STXBP5L: variants seen among roughly 807,000 people sequenced by gnomAD.
STXBP5L encodes syntaxin binding protein 5L.
In STXBP5L, 65 loss-of-function variants were observed where a neutral mutation model predicts 144.5. The ratio of observed to expected loss-of-function variants is 0.45; its 90% CI spans 0.37 to 0.55. The LOEUF is 0.55. Among genes scored for constraint, STXBP5L ranks in the 20% least tolerant of loss-of-function variants. The pLI, the probability that STXBP5L is intolerant of heterozygous loss-of-function variation, is 0.00. For synonymous variants in STXBP5L, 505 were observed against 469.6 expected, an observed-to-expected ratio of 1.08 and a Z score of -0.97; for missense variants, 1,298 against 1,405.5, an observed-to-expected ratio of 0.92 and a Z score of 1.22.
chr3:120,993,338 G>T (rs1177774257), intron 3 of STXBP5L, among the ~76,000 whole-genome samples: 4 of 151,910 alleles, frequency 2.6e-5, no homozygotes, highest in African/African-American at 9.7e-5. Context: ...GTCTATTTTT[G>T]TTTTTGTTGC....
intron 25 of STXBP5L, among the ~76,000 whole-genome samples, chr3:121,416,896 T>C (rs2047252414): frequency 6.6e-6 from 1 of 152,196 alleles, no homozygotes; most frequent in Admixed American, 6.5e-5. Context: ...CTACCATCAT[T>C]TGGTCCTATA....
rs1209797127 is a variant in STXBP5L, at chr3:121,259,167, A to C, written c.1957A>C (p.Ile653Leu). Residue 653 changes from isoleucine to leucine, a missense_variant and splice_region_variant, in exon 18 of 27, where the codon ATA becomes CTA. Coordinates refer to ENST00000471454, the MANE Select transcript of STXBP5L (RefSeq NM_001308330.2). ...TCTTGCTGTAAGCTCAGCATATGGAATGTAAGTAATTAAACTTTTTTATGA... is the reference window on the plus strand; with the variant it reads ...TCTTGCTGTAAGCTCAGCATATGGACTGTAAGTAATTAAACTTTTTTATGA... ...TSLAVSSAYG[I>L]VAFGNCNGLA... 7.8e-6 allele frequency: 12 copies of C among 1,540,558 alleles called. No homozygotes were observed. Among genetic ancestry groups the C allele is most frequent in the Non-Finnish European group, 1.1e-5 (12 of 1,142,096 alleles).
chr3:121,242,936 C>T (rs998963569), intron 14 of STXBP5L, among the ~76,000 whole-genome samples: 1 of 152,164 alleles, frequency 6.6e-6, no homozygotes. Context: ...TTTAGGAAGT[C>T]ACAGTACCCC....
chr3:121,418,956 G>A (rs2047304676), intron 26 of STXBP5L, 100 bp from the exon 27 acceptor site: 15 of 1,251,508 alleles, frequency 1.2e-5, no homozygotes, highest in Non-Finnish European at 1.7e-5. Flanking sequence ...TTGATTATAA[G>A]TTTTGAGATA....
rs972552904 is a variant in STXBP5L at position 121,132,817 on chromosome 3, G to C, written c.669+11113G>C. 2.6e-5 allele frequency among the ~76,000 whole-genome samples: 4 copies of C among 152,168 alleles called. No individual in the cohort carries two copies. In the East Asian group the frequency reaches 7.7e-4, roughly 29 times the overall value. The stretch of plus-strand genomic sequence containing the variant: ...AAAAGTACTAAACAGAAGGCATGGA[G>C]CTGAAGAACACAATAATAGAACTGA... On this transcript the variant is annotated intron_variant, in intron 7 of 26. Transcript: ENST00000471454.
intron 7 of STXBP5L, among the ~76,000 whole-genome samples, chr3:121,130,973 G>A (rs2044959403): frequency 6.6e-6 from 1 of 151,902 alleles, no homozygotes; most frequent in African/African-American, 2.4e-5. Context: ...AATCTAATAT[G>A]AAACACAGAA....
At chr3:121,280,010 A>C (rs530834927) in intron 19 of STXBP5L, 54 bp downstream of exon 19, 213 of 1,566,212 alleles carry the variant, frequency 1.4e-4, no homozygotes, top group Non-Finnish European at 1.8e-4. Flanking sequence ...CTGTGTTCTT[A>C]TTTTTAGATT....
intron 3 of STXBP5L, among the ~76,000 whole-genome samples, chr3:120,999,521 T>G (rs1943606038): frequency 6.6e-6 from 1 of 152,226 alleles, no homozygotes; most frequent in Non-Finnish European, 1.5e-5. Flanking sequence ...TGCTTCTTTA[T>G]CTAATTGACT....
At chr3:121,170,628 C>A (rs1320763260) in intron 9 of STXBP5L, among the ~76,000 whole-genome samples, 1 of 152,116 alleles carries the variant, frequency 6.6e-6, no homozygotes, top group African/African-American at 2.4e-5. Flanking sequence ...TATACCCTCC[C>A]AAGACTAAAC....
intron 3 of STXBP5L, among the ~76,000 whole-genome samples, chr3:121,035,680 G>C (rs1046805514): frequency 6.6e-6 from 1 of 152,008 alleles, no homozygotes; most frequent in Non-Finnish European, 1.5e-5. Flanking sequence ...GATTGCTTTG[G>C]CTATTCTGGC....
intron 9 of STXBP5L, among the ~76,000 whole-genome samples, chr3:121,195,219 C>T (rs916730452): frequency 3.3e-5 from 5 of 151,944 alleles, no homozygotes; most frequent in Admixed American, 6.6e-5. Flanking sequence ...CCACCGTGCC[C>T]GGCCTTTGCT....
At chr3:121,297,142 T>TA (rs1259038836) in intron 19 of STXBP5L, among the ~76,000 whole-genome samples, 1 of 151,892 alleles carries the variant, frequency 6.6e-6, no homozygotes, top group African/African-American at 2.4e-5. Flanking sequence ...TTAATCTTAT[T>TA]AAAGCTACAG....
intron 6 of STXBP5L, among the ~76,000 whole-genome samples, chr3:121,117,394 C>G (rs1242414784): frequency 1.3e-5 from 2 of 151,706 alleles, no homozygotes; most frequent in Non-Finnish European, 3.0e-5. Flanking sequence ...GACCGGATTT[C>G]CAAAAATATG....
At chr3:121,007,383 A>G (rs1944414332) in intron 3 of STXBP5L, among the ~76,000 whole-genome samples, 1 of 152,012 alleles carries the variant, frequency 6.6e-6, no homozygotes, top group Admixed American at 6.6e-5. Flanking sequence ...TATTAATAAA[A>G]TTCTGGCCTC....
At chr3:120,967,396 T>C (rs889584549) in intron 3 of STXBP5L, among the ~76,000 whole-genome samples, 1 of 152,190 alleles carries the variant, frequency 6.6e-6, no homozygotes, top group East Asian at 1.9e-4. Context: ...CACTGGGAGC[T>C]GCAGACTGGA....
intron 5 of STXBP5L, among the ~76,000 whole-genome samples, chr3:121,075,212 TTC>T (rs2041969935): frequency 6.6e-6 from 1 of 152,158 alleles, no homozygotes; most frequent in Non-Finnish European, 1.5e-5. Context: ...CTCTATCCTT[TTC>T]TCTCTCTGGA....
At chr3:121,120,637 T>C (rs778974159) in intron 6 of STXBP5L, among the ~76,000 whole-genome samples, 1 of 151,274 alleles carries the variant, frequency 6.6e-6, no homozygotes, top group Non-Finnish European at 1.5e-5. Context: ...TGAATCTGTG[T>C]TTATTCCCCT....
chr3:121,040,692 T>C (rs1175881644), intron 3 of STXBP5L, among the ~76,000 whole-genome samples: 1 of 152,074 alleles, frequency 6.6e-6, no homozygotes, highest in Admixed American at 6.6e-5. Context: ...TGTCTCCCCA[T>C]TCAGTAGGCC....
At position 121,421,609 on chromosome 3, in the gene STXBP5L, A is replaced by G. The variant is rs1283742650; in HGVS notation, c.*2512A>G. ...ACAATAAGTATACAATGTCTTAGCAAGATAAATTATTATACCCAAAATTAC... is the reference window on the plus strand; with the variant it reads ...ACAATAAGTATACAATGTCTTAGCAGGATAAATTATTATACCCAAAATTAC... On this transcript the variant is annotated 3_prime_UTR_variant, in exon 27 of 27. Coordinates refer to ENST00000471454, the MANE Select transcript of STXBP5L (RefSeq NM_001308330.2). The G allele has an allele frequency of 2.6e-5, 4 of 152,254 alleles. No homozygotes were observed. The highest frequency in any genetic ancestry group is 4.4e-5 in the Non-Finnish European group (3 of 68,034). 9.4% of individuals were successfully genotyped at this position (152,254 alleles called of 1,614,324 possible). A position where few individuals can be genotyped will look rare whatever the true frequency, so the allele number is the denominator to read the frequency against.
Sources: gnomAD v4.1 joint callset for allele counts (sites outside exome capture counted in the v4.1 genomes callset) on GRCh38, gnomAD v4.1.1 for gene constraint, MANE v1.5 for transcripts, NCBI Gene and HGNC (gene_info 2026-07-23, HGNC 2026-07-21) for gene names.